AOPEP: variants seen among roughly 807,000 people sequenced by gnomAD.
The protein encoded by AOPEP is aminopeptidase O.
AOPEP carries 77 observed loss-of-function variants against 98.1 expected under a neutral mutation model. The observed-to-expected ratio is 0.78, with a 90% CI of 0.65 to 0.95. The LOEUF (loss-of-function observed/expected upper bound fraction) is 0.95. Ranked by LOEUF, AOPEP falls within the 40% of genes least tolerant of loss-of-function variation. AOPEP has a pLI of 0.00. For missense variants in AOPEP, 1,024 were observed against 1,024.7 expected (o/e 1.00, Z 0.01); for synonymous variants, 346 against 365.3 (o/e 0.95, Z 0.60).
chr9:94,995,038 GAA>G (rs1261571682), intron 11 of AOPEP, among the ~76,000 whole-genome samples: 1 of 152,194 alleles, frequency 6.6e-6, no homozygotes, highest in Non-Finnish European at 1.5e-5. Context: ...GACAGGACCA[GAA>G]ATGGAATTAT....
At chr9:95,046,096 A>AC (rs2065843927) in intron 13 of AOPEP, among the ~76,000 whole-genome samples, 1 of 152,172 alleles carries the variant, frequency 6.6e-6, no homozygotes, top group Non-Finnish European at 1.5e-5. Context: ...CACTGATTCA[A>AC]CTTCCGAAAA....
At chr9:95,072,002 C>T (rs2068562348) in intron 14 of AOPEP, among the ~76,000 whole-genome samples, 1 of 152,310 alleles carries the variant, frequency 6.6e-6, no homozygotes, top group East Asian at 1.9e-4. Context: ...CCCAAACCCA[C>T]TCGGGCCGTT....
intron 2 of AOPEP, among the ~76,000 whole-genome samples, chr9:94,771,461 C>T (rs530189466): frequency 4.6e-5 from 7 of 152,258 alleles, no homozygotes; most frequent in African/African-American, 1.7e-4. Context: ...ATTATCATGG[C>T]ATGTATACTT....
chr9:95,045,657 C>G (rs939631876), intron 13 of AOPEP, among the ~76,000 whole-genome samples: 2 of 152,170 alleles, frequency 1.3e-5, no homozygotes, highest in South Asian at 4.1e-4. Context: ...CAGCAGCTGC[C>G]CTCTCCTAAG....
intron 5 of AOPEP, among the ~76,000 whole-genome samples, chr9:94,805,021 T>C (rs1848947932): frequency 6.6e-6 from 1 of 152,156 alleles, no homozygotes; most frequent in Admixed American, 6.6e-5. Context: ...AAGGCCAGGA[T>C]GGTGGCAGGT....
intron 3 of AOPEP, among the ~76,000 whole-genome samples, chr9:94,782,947 G>A: frequency 6.6e-6 from 1 of 152,194 alleles, no homozygotes; most frequent in Non-Finnish European, 1.5e-5. Flanking sequence ...TGATGATTCT[G>A]GCAGGCATGT....
At chr9:95,144,441 C>A in the AOPEP span, among the ~76,000 whole-genome samples, 2 of 152,174 alleles carry the variant, frequency 1.3e-5, no homozygotes, top group African/African-American at 4.8e-5. Context: ...GGAGTGTGGG[C>A]CTGCTTGGGG....
chr9:95,044,401 G>T (rs1234965396), intron 13 of AOPEP, among the ~76,000 whole-genome samples: 1 of 151,332 alleles, frequency 6.6e-6, no homozygotes, highest in African/African-American at 2.4e-5. Flanking sequence ...GAGTGAGGGG[G>T]GATTAAAAGT....
intron 1 of AOPEP, among the ~76,000 whole-genome samples, 197 bp downstream of exon 1, chr9:94,726,948 C>G (rs1026408517): frequency 3.3e-5 from 5 of 152,186 alleles, no homozygotes; most frequent in African/African-American, 1.2e-4. Context: ...GGGGACTGGG[C>G]GGAGCGGTCA....
At chr9:95,024,566 G>A (rs1246426456) in intron 13 of AOPEP, among the ~76,000 whole-genome samples, 1 of 152,228 alleles carries the variant, frequency 6.6e-6, no homozygotes, top group African/African-American at 2.4e-5. Flanking sequence ...CTGCCCAAGA[G>A]CTGGCAGTAG....
rs191447120 is a variant in AOPEP, at chr9:94,958,863, A to T, written c.1872+2848A>T. Among the ~76,000 whole-genome samples the T allele has an allele frequency of 8.5e-3, 1,292 of 152,276 alleles. 20 individuals are homozygous for T. The highest frequency in any genetic ancestry group is 0.03 in the African/African-American group (1,227 of 41,556). On this transcript the variant is annotated intron_variant, in intron 9 of 16. Transcript: ENST00000375315. ...TCTTGATGGTGTCCTTTAGAGCACAAAAGTTTTTAATTTTGATGAAGTCCA... is the reference window on the plus strand; with the variant it reads ...TCTTGATGGTGTCCTTTAGAGCACATAAGTTTTTAATTTTGATGAAGTCCA...
chr9:94,914,523 C>CGTGTGTGTGTGTGTGTGTGTGTGTGTGT (rs67826706), intron 5 of AOPEP, among the ~76,000 whole-genome samples: 4 of 143,604 alleles, frequency 2.8e-5, no homozygotes, highest in Non-Finnish European at 4.6e-5. Context: ...TGGCATTAGA[C>CGTGTGTGTGTGTGTGTGTGTGTGTGTGT]GTGTGTGTGT....
intron 11 of AOPEP, among the ~76,000 whole-genome samples, chr9:94,997,576 C>T (rs1052300601): frequency 2.6e-5 from 4 of 152,160 alleles, no homozygotes; most frequent in Non-Finnish European, 5.9e-5. Context: ...GAGATGTGAA[C>T]CTAAGTGGTC....
At chr9:94,888,199 C>T (rs908138992) in intron 5 of AOPEP, among the ~76,000 whole-genome samples, 1 of 151,950 alleles carries the variant, frequency 6.6e-6, no homozygotes. Flanking sequence ...TTATTCTCTT[C>T]TCCACAAAAT....
intron 4 of AOPEP, among the ~76,000 whole-genome samples, 187 bp from the exon 5 acceptor site, chr9:94,800,570 C>T (rs756047975): frequency 2.6e-5 from 4 of 152,228 alleles, no homozygotes; most frequent in Non-Finnish European, 4.4e-5. Flanking sequence ...CACATGAATA[C>T]GTTTTTGTCC....
the AOPEP span, among the ~76,000 whole-genome samples, chr9:95,147,575 A>C: frequency 1.3e-5 from 2 of 152,226 alleles, no homozygotes; most frequent in Admixed American, 6.5e-5. Context: ...CTGACTCATG[A>C]GATGGAGACA....
chr9:94,955,875 C>G, intron 8 of AOPEP, 33 bp from the exon 9 acceptor site: 2 of 1,447,696 alleles, frequency 1.4e-6, no homozygotes, highest in Non-Finnish European at 1.9e-6. Flanking sequence ...TCATGGTAGG[C>G]CTCTTTTTCT....
chr9:94,948,266 C>T (rs574060958), intron 7 of AOPEP, among the ~76,000 whole-genome samples: 2 of 152,018 alleles, frequency 1.3e-5, no homozygotes, highest in East Asian at 1.9e-4. Context: ...AATTAATCAA[C>T]ACCCTTGGGG....
intron 2 of AOPEP, among the ~76,000 whole-genome samples, chr9:94,768,407 G>A (rs1163740670): frequency 6.6e-6 from 1 of 152,142 alleles, no homozygotes; most frequent in Non-Finnish European, 1.5e-5. Context: ...AGCAGTCAAC[G>A]GAAGAAAAAG....
Sources: allele counts gnomAD v4.1 joint callset (sites outside exome capture counted in the v4.1 genomes callset), GRCh38; gene constraint gnomAD v4.1.1; transcripts MANE v1.5; gene names NCBI Gene and HGNC (gene_info 2026-07-23, HGNC 2026-07-21).